The following DZANK1 variants were observed in gnomAD, a reference collection of about 807,000 sequenced individuals.
DZANK1 encodes double zinc ribbon and ankyrin repeat domains 1.
In DZANK1, 91 loss-of-function variants were observed where a neutral mutation model predicts 94.5. The observed-to-expected ratio is 0.96, with a 90% CI of 0.81 to 1.15. DZANK1 has a LOEUF of 1.15. DZANK1 is among the 50% of genes most tolerant of loss of function. The pLI, the probability that DZANK1 is intolerant of heterozygous loss-of-function variation, is 0.00. For synonymous variants in DZANK1, 312 were observed against 325.3 expected, an observed-to-expected ratio of 0.96 and a Z score of 0.44; for missense variants, 903 against 916.4, an observed-to-expected ratio of 0.99 and a Z score of 0.19.
At chr20:18,462,589 TAAA>T (rs2059506879) in intron 2 of DZANK1, among the ~76,000 whole-genome samples, 1 of 152,072 alleles carries the variant, frequency 6.6e-6, no homozygotes, top group Admixed American at 6.5e-5. Context: ...TGGCCTTTGT[TAAA>T]AAGTCAAAAA....
intron 9 of DZANK1, chr20:18,433,316 C>A (rs563694432): frequency 1.1e-5 from 3 of 265,278 alleles, no homozygotes; most frequent in African/African-American, 4.6e-5. Flanking sequence ...CTGAGGTGGG[C>A]GCATCACCTG....
At chr20:18,415,881 G>A (rs1179635216) in intron 10 of DZANK1, among the ~76,000 whole-genome samples, 1 of 152,140 alleles carries the variant, frequency 6.6e-6, no homozygotes, top group Non-Finnish European at 1.5e-5. Flanking sequence ...TCCCATTCTT[G>A]ACACATGAGA....
At chr20:18,435,817 T>C (rs2058498288) in intron 8 of DZANK1, among the ~76,000 whole-genome samples, 1 of 151,704 alleles carries the variant, frequency 6.6e-6, no homozygotes, top group African/African-American at 2.4e-5. Context: ...TTTTGTTTCT[T>C]TACTTCTCTA....
At chr20:18,398,474 C>T (rs777421241) in intron 14 of DZANK1, 49 bp downstream of exon 14, 1 of 1,567,912 alleles carries the variant, frequency 6.4e-7, no homozygotes, top group Non-Finnish European at 8.8e-7. Context: ...AGGGTTCCTT[C>T]AGCCTGATCC....
chr20:18,458,236 C>T (rs2059354497), intron 3 of DZANK1, among the ~76,000 whole-genome samples: 1 of 152,096 alleles, frequency 6.6e-6, no homozygotes, highest in African/African-American at 2.4e-5. Flanking sequence ...ATTTTTGAAC[C>T]TTGAAGCAAA....
At chr20:18,458,646 A>G (rs765584369) in intron 3 of DZANK1, among the ~76,000 whole-genome samples, 1 of 152,154 alleles carries the variant, frequency 6.6e-6, no homozygotes, top group African/African-American at 2.4e-5. Context: ...CAGGCCTGTC[A>G]TTCAAGATCC....
exon 18 of DZANK1, chr20:18,390,428 C>G (rs1393798067): frequency 6.2e-7 from 1 of 1,613,820 alleles, no homozygotes; most frequent in African/African-American, 1.3e-5. Flanking sequence ...CCCCGTGGGT[C>G]CGACTTCCTT....
intron 19 of DZANK1, among the ~76,000 whole-genome samples, chr20:18,389,403 C>T (rs534158478): frequency 9.2e-5 from 14 of 152,272 alleles, no homozygotes; most frequent in African/African-American, 3.1e-4. Flanking sequence ...TTGATTAACA[C>T]CCCAAGGGCT....
chr20:18,443,942 G>A (rs750342265), intron 7 of DZANK1, among the ~76,000 whole-genome samples: 22 of 152,248 alleles, frequency 1.4e-4, no homozygotes, highest in Non-Finnish European at 1.3e-4. Flanking sequence ...GAGTCCTCAG[G>A]CCCTGCCCCA....
At chr20:18,454,259 C>T (rs988592859) in intron 4 of DZANK1, 13 of 348,628 alleles carry the variant, frequency 3.7e-5, no homozygotes, top group Non-Finnish European at 6.8e-5. Context: ...GTCCCTCACA[C>T]CTGATTCAAG....
chr20:18,389,550 G>A (rs746047372), intron 19 of DZANK1, 151 bp downstream of exon 19: 8 of 1,168,166 alleles, frequency 6.8e-6, no homozygotes, highest in African/African-American at 3.1e-5. Flanking sequence ...AACAGAAGGC[G>A]TTAAGCCTCT....
chr20:18,414,387 G>C (rs1458107594), exon 12 of DZANK1: 1 of 1,613,942 alleles, frequency 6.2e-7, no homozygotes, highest in South Asian at 1.1e-5. Flanking sequence ...CTAGAGCCAG[G>C]CTTCTGTCCA....
chr20:18,440,602 T>C (rs2058687126), intron 8 of DZANK1, among the ~76,000 whole-genome samples: 1 of 152,174 alleles, frequency 6.6e-6, no homozygotes, highest in African/African-American at 2.4e-5. Flanking sequence ...AACAGGTGGT[T>C]GTGATGGGTT....
intron 5 of DZANK1, 47 bp downstream of exon 5, chr20:18,453,684 G>A (rs764885587): frequency 2.7e-5 from 36 of 1,350,678 alleles, no homozygotes; most frequent in South Asian, 8.3e-5. Context: ...GAACCTCTTC[G>A]GTGGGTTCAG....
chr20:18,453,798 T>C (rs750253742), exon 5 of DZANK1: 2 of 1,611,218 alleles, frequency 1.2e-6, no homozygotes, highest in Non-Finnish European at 1.7e-6. Context: ...TTTTCTTTAG[T>C]TTTGATCCAA....
At chr20:18,445,951 G>A (rs1160936510) in intron 7 of DZANK1, among the ~76,000 whole-genome samples, 1 of 151,534 alleles carries the variant, frequency 6.6e-6, no homozygotes, top group African/African-American at 2.4e-5. Flanking sequence ...TTTTAGCAGA[G>A]ACGGGGTTTT....
chr20:18,427,322 C>A (rs61375963), intron 9 of DZANK1, among the ~76,000 whole-genome samples, 163 bp from the exon 10 acceptor site: 11 of 152,000 alleles, frequency 7.2e-5, no homozygotes, highest in African/African-American at 1.9e-4. Context: ...TAGTGTCAGA[C>A]AAATATCTGT....
chr20:18,451,204 A>G lies in DZANK1; in HGVS notation c.543+1411T>C, dbSNP rs572171452. On this transcript the variant is annotated intron_variant, in intron 6 of 20. Transcript: ENST00000262547. ...CATGATCTGCCTGCCTCAGCCTCCC[A>G]GTGTGTTGGGATTACAGGCGTGAGC... Among the ~76,000 whole-genome samples the G allele has an allele frequency of 1.9e-3, 289 of 152,264 alleles. 1 individual carries two copies. The highest frequency in any genetic ancestry group is 3.3e-3 in the Non-Finnish European group (223 of 68,034).
At chr20:18,454,967 C>T (rs1244064656) in intron 4 of DZANK1, among the ~76,000 whole-genome samples, 1 of 152,152 alleles carries the variant, frequency 6.6e-6, no homozygotes, top group African/African-American at 2.4e-5. Flanking sequence ...GGATGGAAGG[C>T]TAAAGGTTTC....
Sources: allele counts gnomAD v4.1 joint callset (sites outside exome capture counted in the v4.1 genomes callset), GRCh38; gene constraint gnomAD v4.1.1; transcripts MANE v1.5; gene names NCBI Gene and HGNC (gene_info 2026-07-23, HGNC 2026-07-21).